PKHD1: variants seen among roughly 807,000 people sequenced by gnomAD.
PKHD1 encodes the protein fibrocystin.
A neutral mutation model predicts 412.0 loss-of-function variants in PKHD1; 291 were observed. The ratio of observed to expected loss-of-function variants is 0.71; its 90% CI spans 0.64 to 0.78. The LOEUF (loss-of-function observed/expected upper bound fraction) is 0.78. Among genes scored for constraint, PKHD1 ranks in the 30% least tolerant of loss-of-function variants. The pLI is 0.00. For synonymous variants in PKHD1, 1,777 were observed against 1,821.5 expected, an observed-to-expected ratio of 0.98 and a Z score of 0.62; for missense variants, 4,825 against 4,950.7, an observed-to-expected ratio of 0.97 and a Z score of 0.76.
At chr6:51,726,641 T>C (rs1014274349) in intron 60 of PKHD1, among the ~76,000 whole-genome samples, 1 of 152,216 alleles carries the variant, frequency 6.6e-6, no homozygotes, top group African/African-American at 2.4e-5. Context: ...AAACTGATGT[T>C]TATCCTACAG....
intron 51 of PKHD1, among the ~76,000 whole-genome samples, chr6:51,834,979 A>G (rs1451550751): frequency 1.3e-5 from 2 of 152,166 alleles, no homozygotes; most frequent in African/African-American, 4.8e-5. Flanking sequence ...TCTGGGCTTC[A>G]CATCCCCATT....
chr6:52,068,867 T>A (rs1268019987), intron 11 of PKHD1, among the ~76,000 whole-genome samples: 2 of 152,208 alleles, frequency 1.3e-5, no homozygotes, highest in Non-Finnish European at 2.9e-5. Context: ...AAAGGTAGAT[T>A]TTGATTGCTT....
At chr6:51,966,223 T>A (rs1172046077) in intron 35 of PKHD1, among the ~76,000 whole-genome samples, 1 of 152,158 alleles carries the variant, frequency 6.6e-6, no homozygotes, top group Non-Finnish European at 1.5e-5. Context: ...GTTTTATACA[T>A]TTTAGGGAGA....
chr6:51,708,169 A>C (rs1452353601), intron 60 of PKHD1, among the ~76,000 whole-genome samples: 1 of 152,140 alleles, frequency 6.6e-6, no homozygotes, highest in Non-Finnish European at 1.5e-5. Flanking sequence ...CTCCCAGTAC[A>C]TGGCACCACC....
chr6:52,023,994 C>T (rs1408537581), intron 32 of PKHD1, among the ~76,000 whole-genome samples: 1 of 152,152 alleles, frequency 6.6e-6, no homozygotes, highest in Admixed American at 6.5e-5. Context: ...CAAATTTGAA[C>T]TATCTCAAGT....
chr6:52,050,667 G>A (rs1447580591), intron 21 of PKHD1, among the ~76,000 whole-genome samples: 1 of 152,182 alleles, frequency 6.6e-6, no homozygotes, highest in Non-Finnish European at 1.5e-5. Context: ...GGCAACTCTA[G>A]GGATGTTTAG....
At chr6:51,948,898 G>A (rs951233604) in intron 36 of PKHD1, among the ~76,000 whole-genome samples, 1 of 152,178 alleles carries the variant, frequency 6.6e-6, no homozygotes, top group East Asian at 1.9e-4. Flanking sequence ...TGTTAAAGAG[G>A]TAGATGAGTG....
chr6:51,692,652 A>C (rs1242957153), intron 60 of PKHD1, among the ~76,000 whole-genome samples: 2 of 152,150 alleles, frequency 1.3e-5, no homozygotes, highest in African/African-American at 4.8e-5. Flanking sequence ...GATGTTCAAA[A>C]TTCTTCCCAT....
chr6:51,897,307 C>T (rs1337478866), intron 43 of PKHD1, among the ~76,000 whole-genome samples: 12 of 151,892 alleles, frequency 7.9e-5, no homozygotes, highest in African/African-American at 1.5e-4. Context: ...AGACTAACAG[C>T]GGATCTCTTG....
intron 32 of PKHD1, among the ~76,000 whole-genome samples, chr6:52,024,129 C>T (rs1801795512): frequency 6.6e-6 from 1 of 152,160 alleles, no homozygotes; most frequent in African/African-American, 2.4e-5. Context: ...GTGCATTTGG[C>T]TTATTATTGT....
intron 60 of PKHD1, among the ~76,000 whole-genome samples, chr6:51,719,717 A>G (rs1349035052): frequency 6.6e-6 from 1 of 152,222 alleles, no homozygotes; most frequent in Non-Finnish European, 1.5e-5. Context: ...TTGACAAATT[A>G]TATTATATAT....
chr6:51,987,273 T>C lies in PKHD1; in HGVS notation c.5751+23036A>G, dbSNP rs148737862. ...GAAAACCAGAACAACAATTAAAATA[T>C]TCAAAGCTGAAGGTATGAGGCTGGG... On this transcript the variant is annotated intron_variant, in intron 35 of 66. Coordinates refer to ENST00000371117, the MANE Select transcript of PKHD1 (RefSeq NM_138694.4). 5.3e-3 allele frequency among the ~76,000 whole-genome samples: 801 copies of C among 152,282 alleles called. 6 individuals carry two copies. The highest frequency in any genetic ancestry group is 0.019 in the African/African-American group (772 of 41,546).
chr6:51,892,019 T>C (rs764993719), intron 43 of PKHD1, among the ~76,000 whole-genome samples: 3 of 152,212 alleles, frequency 2.0e-5, no homozygotes, highest in Admixed American at 6.5e-5. Context: ...TTCAATTCAC[T>C]GTGGGTCCCA....
intron 60 of PKHD1, among the ~76,000 whole-genome samples, chr6:51,686,368 C>G (rs1582080472): frequency 6.6e-6 from 1 of 152,192 alleles, no homozygotes; most frequent in East Asian, 1.9e-4. Context: ...TCAAGCCACT[C>G]TGACTTCCTT....
intron 59 of PKHD1, among the ~76,000 whole-genome samples, chr6:51,744,785 A>G (rs2150964107): frequency 6.6e-6 from 1 of 152,310 alleles, no homozygotes; most frequent in South Asian, 2.1e-4. Flanking sequence ...CTTTATATAG[A>G]TTGCTGATTT....
At chr6:51,724,171 G>C (rs1233247215) in intron 60 of PKHD1, among the ~76,000 whole-genome samples, 1 of 152,156 alleles carries the variant, frequency 6.6e-6, no homozygotes, top group African/African-American at 2.4e-5. Context: ...GACTGTATCT[G>C]CATAATAAGA....
chr6:51,770,946 G>T (rs878956347), intron 55 of PKHD1, among the ~76,000 whole-genome samples: 1 of 151,914 alleles, frequency 6.6e-6, no homozygotes, highest in African/African-American at 2.4e-5. Flanking sequence ...AATGTGGGTG[G>T]GCCTCATCAA....
intron 66 of PKHD1, among the ~76,000 whole-genome samples, chr6:51,620,992 G>T (rs1276141750): frequency 6.6e-6 from 1 of 151,856 alleles, no homozygotes; most frequent in East Asian, 1.9e-4. Flanking sequence ...TGATTCTCTT[G>T]CTTAGAGCTA....
intron 35 of PKHD1, among the ~76,000 whole-genome samples, chr6:51,967,176 T>A (rs1792936787): frequency 6.6e-6 from 1 of 152,068 alleles, no homozygotes; most frequent in Non-Finnish European, 1.5e-5. Context: ...CTCAGTAACA[T>A]ATAACGAGGT....
Sources: gnomAD v4.1 joint callset for allele counts (sites outside exome capture counted in the v4.1 genomes callset) on GRCh38, gnomAD v4.1.1 for gene constraint, MANE v1.5 for transcripts, NCBI Gene and HGNC (gene_info 2026-07-23, HGNC 2026-07-21) for gene names.